PHACTR1: variants seen among roughly 807,000 people sequenced by gnomAD.
PHACTR1 encodes RPEL repeat containing 1.
Under a neutral mutation model 69.2 loss-of-function variants are expected in PHACTR1, and 16 were observed. That is an observed-to-expected ratio of 0.23 (90% CI 0.16 to 0.35). PHACTR1 has a LOEUF of 0.35. PHACTR1 is among the 10% of genes least tolerant of loss of function. The probability of loss-of-function intolerance (pLI) is 1.00; values close to 1 mark genes in which losing one functional copy is unlikely to be tolerated. For missense variants in PHACTR1, 510 were observed against 734.7 expected, an observed-to-expected ratio of 0.69 and a Z score of 3.54; for synonymous variants, 312 against 284.5, an observed-to-expected ratio of 1.10 and a Z score of -0.97.
At chr6:12,775,458 G>T (rs551635040) in intron 4 of PHACTR1, among the ~76,000 whole-genome samples, 1 of 152,272 alleles carries the variant, frequency 6.6e-6, no homozygotes, top group Admixed American at 6.5e-5. Flanking sequence ...TAATCGTGTG[G>T]CCTAATGTGA....
rs538841456 is a variant in PHACTR1 at position 12,975,108 on chromosome 6, G to T, written c.251-78257G>T. 6.6e-5 allele frequency among the ~76,000 whole-genome samples: 10 copies of T among 152,300 alleles called. No individual in the cohort carries two copies. In the East Asian group the frequency reaches 1.9e-3, roughly 29 times the overall value. The stretch of plus-strand genomic sequence containing the variant: ...GGCCGAGGGAGTGCTGACTCTATCT[G>T]TTACAATGAGTGTGAGAGGTGTGGG... On this transcript the variant is annotated intron_variant, in intron 4 of 14. Transcript: ENST00000332995.
chr6:13,103,961 G>A (rs1013808134), intron 5 of PHACTR1, among the ~76,000 whole-genome samples: 2 of 152,178 alleles, frequency 1.3e-5, no homozygotes, highest in Admixed American at 6.5e-5. Context: ...GCACGCACCT[G>A]TAGTCTCAGC....
chr6:12,845,431 C>A (rs1437339288), intron 4 of PHACTR1, among the ~76,000 whole-genome samples: 1 of 39,598 alleles, frequency 2.5e-5, no homozygotes, highest in Non-Finnish European at 6.4e-5. Context: ...CACCACCCAC[C>A]CCCCCCCCCC....
intron 4 of PHACTR1, among the ~76,000 whole-genome samples, chr6:13,012,858 A>C (rs1465973681): frequency 1.3e-5 from 2 of 152,188 alleles, no homozygotes; most frequent in Non-Finnish European, 2.9e-5. Context: ...AAGAATAATA[A>C]TTACAAGTTA....
At chr6:12,956,917 C>T (rs1791959828) in intron 4 of PHACTR1, among the ~76,000 whole-genome samples, 2 of 152,132 alleles carry the variant, frequency 1.3e-5, no homozygotes, top group African/African-American at 2.4e-5. Context: ...TTCCCACTCA[C>T]TCCTCATGGG....
intron 13 of PHACTR1, among the ~76,000 whole-genome samples, chr6:13,285,071 C>A (rs1309498448): frequency 6.6e-6 from 1 of 152,212 alleles, no homozygotes; most frequent in Non-Finnish European, 1.5e-5. Context: ...TTGTCCTCTC[C>A]TGTCCACACT....
chr6:13,122,342 AT>A (rs2127946946), intron 5 of PHACTR1, among the ~76,000 whole-genome samples: 2 of 152,314 alleles, frequency 1.3e-5, no homozygotes, highest in East Asian at 3.9e-4. Context: ...TATGTCTGTA[AT>A]TAGGTGAAGT....
chr6:12,792,143 T>C (rs1390473527), intron 4 of PHACTR1, among the ~76,000 whole-genome samples: 2 of 152,088 alleles, frequency 1.3e-5, no homozygotes, highest in Non-Finnish European at 2.9e-5. Context: ...TATATATCAA[T>C]GCAATTGCAC....
intron 14 of PHACTR1, 62 bp from the exon 15 acceptor site, chr6:13,287,001 G>A: frequency 6.4e-7 from 1 of 1,569,852 alleles, no homozygotes; most frequent in Middle Eastern, 1.7e-4. Flanking sequence ...TGGGAGATTG[G>A]ACTGTTGAAT....
At chr6:13,152,585 G>T (rs924767788) in intron 5 of PHACTR1, among the ~76,000 whole-genome samples, 2 of 152,158 alleles carry the variant, frequency 1.3e-5, no homozygotes, top group Non-Finnish European at 2.9e-5. Flanking sequence ...TAAAGTACTG[G>T]CTCACATACA....
intron 4 of PHACTR1, chr6:12,957,861 G>T: frequency 1.0e-6 from 1 of 985,484 alleles, no homozygotes; most frequent in Non-Finnish European, 1.2e-6. Flanking sequence ...GAAGGAAGGC[G>T]AAGGGGCTGC....
At chr6:13,202,123 A>C (rs1180271383) in intron 7 of PHACTR1, among the ~76,000 whole-genome samples, 1 of 152,188 alleles carries the variant, frequency 6.6e-6, no homozygotes, top group Non-Finnish European at 1.5e-5. Flanking sequence ...GTCTCCACTA[A>C]CTTGGTCCAG....
chr6:12,767,917 G>T (rs552788543), intron 4 of PHACTR1, among the ~76,000 whole-genome samples: 2 of 152,202 alleles, frequency 1.3e-5, no homozygotes, highest in South Asian at 4.2e-4. Flanking sequence ...AATTTTTAGT[G>T]GTACTTGGCT....
chr6:13,254,991 C>T (rs10948561), intron 10 of PHACTR1, among the ~76,000 whole-genome samples: 23,767 of 152,176 alleles, frequency 0.16, 2,490 homozygotes, highest in Admixed American at 0.27. Flanking sequence ...TAGTCCATTC[C>T]TGCACTGCTA....
intron 4 of PHACTR1, among the ~76,000 whole-genome samples, chr6:12,818,544 G>C (rs139408035): frequency 6.6e-6 from 1 of 152,192 alleles, no homozygotes; most frequent in South Asian, 2.1e-4. Flanking sequence ...TAGATTTCAC[G>C]TGATGGAAGT....
At chr6:13,037,462 T>C (rs1283348664) in intron 4 of PHACTR1, among the ~76,000 whole-genome samples, 3 of 152,126 alleles carry the variant, frequency 2.0e-5, no homozygotes, top group Non-Finnish European at 4.4e-5. Flanking sequence ...AAAAGGAAGA[T>C]GGACAGATAA....
At chr6:12,781,992 C>T (rs1392731669) in intron 4 of PHACTR1, among the ~76,000 whole-genome samples, 1 of 152,190 alleles carries the variant, frequency 6.6e-6, no homozygotes, top group South Asian at 2.1e-4. Context: ...TTCCCGAATG[C>T]CCATGGCAGT....
chr6:13,196,228 T>C (rs1352961946), intron 7 of PHACTR1, among the ~76,000 whole-genome samples: 1 of 152,058 alleles, frequency 6.6e-6, no homozygotes, highest in Non-Finnish European at 1.5e-5. Context: ...TGCAAAACCA[T>C]TTATTCAGTG....
chr6:12,803,419 C>A (rs1773935037), intron 4 of PHACTR1, among the ~76,000 whole-genome samples: 1 of 151,996 alleles, frequency 6.6e-6, no homozygotes, highest in Non-Finnish European at 1.5e-5. Flanking sequence ...GTGAGGAAGA[C>A]TAAAGAACAC....
Sources: allele counts gnomAD v4.1 joint callset (sites outside exome capture counted in the v4.1 genomes callset), GRCh38; gene constraint gnomAD v4.1.1; transcripts MANE v1.5; gene names NCBI Gene and HGNC (gene_info 2026-07-23, HGNC 2026-07-21).